The following DCLRE1C variants were observed in gnomAD, a reference collection of about 807,000 sequenced individuals.
DCLRE1C encodes the protein DNA cross-link repair 1C, also known as protein artemis.
In DCLRE1C, 47 loss-of-function variants were observed where a neutral mutation model predicts 61.4. The ratio of observed to expected loss-of-function variants is 0.77; its 90% CI spans 0.61 to 0.98. The LOEUF is 0.98. DCLRE1C is among the 50% of genes least tolerant of loss of function. DCLRE1C has a pLI of 0.00. For synonymous variants in DCLRE1C, 337 were observed against 287.6 expected (o/e 1.17, Z -1.74); for missense variants, 858 against 816.0 (o/e 1.05, Z -0.63).
chr10:14,930,113 GTTTTA>G (rs1838716581), intron 9 of DCLRE1C, among the ~76,000 whole-genome samples: 2 of 151,802 alleles, frequency 1.3e-5, no homozygotes, highest in African/African-American at 4.8e-5. Context: ...AAAGGTGTAT[GTTTTA>G]TTTATTTACT....
rs1394684922 is a variant in DCLRE1C, at chr10:14,948,242, C to A, written c.161+794G>T. 2.0e-5 allele frequency among the ~76,000 whole-genome samples: 3 copies of A among 151,680 alleles called. No homozygotes were observed. The East Asian group carries it at 5.8e-4, about 29-fold the overall frequency. On this transcript the variant is annotated intron_variant, in intron 2 of 13. Transcript: ENST00000378278. ...AAAAAAAATTGTTGAACAAAAAATA[C>A]ACAGTGCCAAGATACAGTAAGTATT...
chr10:14,948,402 G>A (rs1841993759), intron 2 of DCLRE1C, among the ~76,000 whole-genome samples: 2 of 152,122 alleles, frequency 1.3e-5, no homozygotes, highest in Admixed American at 6.6e-5. Context: ...GGCTGCAAGA[G>A]AAGCATCTAA....
In DCLRE1C at chr10:14,906,640, G is replaced by T. The variant is rs41300704; in HGVS notation, c.*1768C>A. Among the ~76,000 whole-genome samples the T allele has an allele frequency of 6.6e-6, 1 of 152,078 alleles. No individual in the cohort carries two copies. The highest frequency in any genetic ancestry group is 1.5e-5 in the Non-Finnish European group (1 of 68,016). On this transcript the variant is annotated 3_prime_UTR_variant, in exon 14 of 14. Transcript: ENST00000378278. ...CTGGTGGATCCAATACTTTTTGGTC[G>T]GATTGCCATGCAGCATCATGATAAT...
At chr10:14,936,388 T>G in intron 5 of DCLRE1C, 150 bp downstream of exon 5, 1 of 451,606 alleles carries the variant, frequency 2.2e-6, no homozygotes. Context: ...GCTCAAGCAA[T>G]CCTCCCGCGT....
At chr10:14,923,312 T>TC (rs1375498688) in intron 11 of DCLRE1C, 1 of 470,564 alleles carries the variant, frequency 2.1e-6, no homozygotes, top group Non-Finnish European at 3.9e-6. Flanking sequence ...ATTTAAATAT[T>TC]CCCCAGGTGA....
chr10:14,946,671 T>TC (rs1235492095), intron 2 of DCLRE1C, among the ~76,000 whole-genome samples: 1 of 151,720 alleles, frequency 6.6e-6, no homozygotes, highest in African/African-American at 2.4e-5. Flanking sequence ...AAAGAGATTT[T>TC]TTTTTTTAGG....
At position 14,934,527 on chromosome 10, in the gene DCLRE1C, A is replaced by G. The variant is rs1279224531; in HGVS notation, c.538-7T>C. On this transcript the variant is annotated splice_region_variant and splice_polypyrimidine_tract_variant and intron_variant, in intron 7 of 13. Transcript: ENST00000378278. ...CTCCACTTAAACACTCCTCCTAGACAGGATTTTAAAGAGACATTTAACAGG... is the reference window on the plus strand; with the variant it reads ...CTCCACTTAAACACTCCTCCTAGACGGGATTTTAAAGAGACATTTAACAGG... 6.2e-7 allele frequency: 1 copy of G among 1,614,134 alleles called. No individual in the cohort carries two copies. Among genetic ancestry groups the G allele is most frequent in the Non-Finnish European group, 8.5e-7 (1 of 1,180,030 alleles).
intron 13 of DCLRE1C, among the ~76,000 whole-genome samples, chr10:14,912,927 C>T (rs1018472583): frequency 6.9e-6 from 1 of 145,964 alleles, no homozygotes; most frequent in Admixed American, 7.0e-5. Context: ...CATGATCCAC[C>T]CGCCTTGGCC....
At chr10:14,937,562 G>C (rs1589086876) in intron 4 of DCLRE1C, among the ~76,000 whole-genome samples, 1 of 152,070 alleles carries the variant, frequency 6.6e-6, no homozygotes, top group African/African-American at 2.4e-5. Flanking sequence ...GGGATTACAG[G>C]TGAGAGCCAC....
At position 14,908,499 on chromosome 10, in the gene DCLRE1C, T is replaced by G. The variant is rs2131768961; in HGVS notation, c.1988A>C (p.Lys663Thr). The G allele has an allele frequency of 4.3e-6, 7 of 1,614,088 alleles. No homozygotes were observed. The highest frequency in any genetic ancestry group is 3.4e-6 in the Non-Finnish European group (4 of 1,180,006). ...ATATAAATATTGTAAATGCTCTCGT[T>G]TAGGTAACTCAGCTTCTGGAGTTGA... ...VPSTPEAELPKREHLQYLYEK... is the reference protein window; with the variant it reads ...VPSTPEAELPTREHLQYLYEK... Residue 663 changes from lysine (K) to threonine (T), a missense_variant, in exon 14 of 14, where the codon AAA (lysine) becomes ACA (threonine). Around this residue, in one of 2 missense-constraint regions of DCLRE1C, gnomAD observed 843 missense variants for 783.5 expected, o/e 1.08. Coordinates refer to ENST00000378278, the MANE Select transcript of DCLRE1C (RefSeq NM_001033855.3).
intron 2 of DCLRE1C, chr10:14,947,665 T>C (rs1208699070): frequency 1.3e-5 from 2 of 152,260 alleles, no homozygotes; most frequent in Non-Finnish European, 1.5e-5. Flanking sequence ...GAAGCTCTAA[T>C]GACAATGTCA....
chr10:14,909,061 C>CAGA lies in DCLRE1C; in HGVS notation c.1423_1425dup (p.Ser475dup). 6.2e-7 allele frequency: 1 copy of CAGA among 1,614,146 alleles called. No individual in the cohort carries two copies. On this transcript the variant is annotated inframe_insertion, in exon 14 of 14. Transcript: ENST00000378278. ...CCATCAGCCTTTTGCAGGTGAAGTA[C>CAGA]AGAGCCCAGATCTCCTTGCAGTGAA...
At chr10:14,941,112 A>G (rs529775884) in intron 3 of DCLRE1C, among the ~76,000 whole-genome samples, 69 of 152,314 alleles carry the variant, frequency 4.5e-4, no homozygotes, top group Admixed American at 1.2e-3. Context: ...TCCTGACCTC[A>G]GGTGATCCCT....
intron 11 of DCLRE1C, among the ~76,000 whole-genome samples, chr10:14,926,470 G>A (rs1288149045): frequency 6.6e-6 from 1 of 152,004 alleles, no homozygotes; most frequent in South Asian, 2.1e-4. Flanking sequence ...TGGCCAATGT[G>A]GTAAAACCCT....
At chr10:14,953,592 A>G (rs952487255) in intron 1 of DCLRE1C, among the ~76,000 whole-genome samples, 8 of 152,064 alleles carry the variant, frequency 5.3e-5, no homozygotes, top group Non-Finnish European at 1.0e-4. Context: ...CGAGGCTCTG[A>G]GGGAAGTACT....
intron 13 of DCLRE1C, among the ~76,000 whole-genome samples, chr10:14,916,489 T>C (rs944973820): frequency 3.9e-5 from 6 of 152,236 alleles, no homozygotes; most frequent in African/African-American, 1.2e-4. Flanking sequence ...TGCAGCATTT[T>C]AGATTTTCTG....
intron 13 of DCLRE1C, among the ~76,000 whole-genome samples, chr10:14,918,433 G>T (rs1442845701): frequency 1.3e-5 from 2 of 152,142 alleles, no homozygotes; most frequent in African/African-American, 4.8e-5. Context: ...GTGACAGAAG[G>T]CAGATCAGTG....
intron 8 of DCLRE1C, 130 bp downstream of exon 8, chr10:14,934,250 C>T: frequency 4.5e-6 from 6 of 1,337,146 alleles, no homozygotes; most frequent in Non-Finnish European, 6.1e-6. Flanking sequence ...ATTGCTTGAA[C>T]CCGGGAGGTG....
At chr10:14,950,768 T>A (rs138992401) in intron 1 of DCLRE1C, among the ~76,000 whole-genome samples, 1 of 152,300 alleles carries the variant, frequency 6.6e-6, no homozygotes, top group East Asian at 1.9e-4. Flanking sequence ...TGGTCCCCCA[T>A]CCTCACCACC....
Sources: allele counts gnomAD v4.1 joint callset (sites outside exome capture counted in the v4.1 genomes callset), GRCh38; gene constraint gnomAD v4.1.1; regional missense constraint gnomAD v4.1.1; transcripts MANE v1.5; gene names NCBI Gene and HGNC (gene_info 2026-07-23, HGNC 2026-07-21).